ESRRG: variants seen among roughly 807,000 people sequenced by gnomAD.
The protein encoded by ESRRG is estrogen related receptor gamma, also known as estrogen-related receptor gamma.
In ESRRG, 13 loss-of-function variants were observed where a neutral mutation model predicts 44.0. The observed-to-expected ratio is 0.30, with a 90% CI of 0.19 to 0.47. The LOEUF is 0.47. Among genes scored for constraint, ESRRG ranks in the 20% least tolerant of loss-of-function variants. The pLI, the probability that ESRRG is intolerant of heterozygous loss-of-function variation, is 1.00. For synonymous variants in ESRRG, 215 were observed against 214.6 expected, an observed-to-expected ratio of 1.00 and a Z score of -0.02; for missense variants, 395 against 580.6, an observed-to-expected ratio of 0.68 and a Z score of 3.29.
chr1:216,622,698 T>C (rs1411994065), intron 3 of ESRRG, among the ~76,000 whole-genome samples: 2 of 152,130 alleles, frequency 1.3e-5, no homozygotes, highest in Non-Finnish European at 2.9e-5. Flanking sequence ...ATCAGTGTTC[T>C]GCTTCTTGTA....
chr1:216,580,486 GA>G (rs1376504580), intron 3 of ESRRG, among the ~76,000 whole-genome samples: 1 of 152,128 alleles, frequency 6.6e-6, no homozygotes, highest in Non-Finnish European at 1.5e-5. Context: ...GATATGCTGT[GA>G]AAACCTCAGT....
chr1:217,079,779 C>A (rs2091603057), intron 1 of ESRRG, among the ~76,000 whole-genome samples: 1 of 152,220 alleles, frequency 6.6e-6, no homozygotes, highest in East Asian at 1.9e-4. Flanking sequence ...AGCCTCCTCT[C>A]AGAGCCAGGC....
intron 5 of ESRRG, among the ~76,000 whole-genome samples, chr1:216,548,115 A>T (rs2055126781): frequency 6.6e-6 from 1 of 152,104 alleles, no homozygotes; most frequent in African/African-American, 2.4e-5. Flanking sequence ...GCCGGAAATC[A>T]AACTTTGAGT....
At chr1:216,550,982 C>T (rs1005231745) in intron 5 of ESRRG, among the ~76,000 whole-genome samples, 16 of 152,180 alleles carry the variant, frequency 1.1e-4, no homozygotes, top group Admixed American at 2.0e-4. Context: ...AGCCGCAGAA[C>T]GGTCAATGCT....
At position 216,922,106 on chromosome 1, in the gene ESRRG, T is replaced by C. The variant is rs550308364; in HGVS notation, c.-14+17476A>G. ...TGCTGGTTCTCTCTATGTCTCACCA[T>C]GGACCTTGGGCACACCAGTCTCTGC... On this transcript the variant is annotated intron_variant, in intron 2 of 7. Transcript: ENST00000359162. 2.4e-3 allele frequency among the ~76,000 whole-genome samples: 367 copies of C among 152,318 alleles called. 1 individual carries two copies. The highest frequency in any genetic ancestry group is 7.0e-3 in the African/African-American group (293 of 41,570).
At chr1:217,041,756 C>G (rs1457761314) in intron 1 of ESRRG, among the ~76,000 whole-genome samples, 1 of 152,212 alleles carries the variant, frequency 6.6e-6, no homozygotes, top group African/African-American at 2.4e-5. Context: ...AAGCCCACAC[C>G]TGCTTAGTTT....
chr1:217,076,558 C>T (rs2091316190), intron 1 of ESRRG, among the ~76,000 whole-genome samples: 1 of 152,136 alleles, frequency 6.6e-6, no homozygotes, highest in Non-Finnish European at 1.5e-5. Context: ...TAGATGAAAA[C>T]TCTGAAGTTA....
chr1:216,506,366 T>C lies in ESRRG; in HGVS notation c.*573A>G. On this transcript the variant is annotated 3_prime_UTR_variant, in exon 7 of 7. Coordinates refer to ENST00000408911, the MANE Select transcript of ESRRG (RefSeq NM_001438.4). ...ATCTCCATCCTTTGGCAGGGCTGGCTTCCATCTCTCTTCAGTTAGAGACCT... is the reference window on the plus strand; with the variant it reads ...ATCTCCATCCTTTGGCAGGGCTGGCCTCCATCTCTCTTCAGTTAGAGACCT... 2 of 293,056 alleles carry C rather than the reference T, an allele frequency of 6.8e-6. No individual in the cohort carries two copies. The highest frequency in any genetic ancestry group is 6.7e-6 in the Non-Finnish European group (1 of 149,326). The allele number at this position is 293,056 out of a possible 1,614,324, so 18.2% of individuals were successfully genotyped here. A position where few individuals can be genotyped will look rare whatever the true frequency, so the allele number is the denominator to read the frequency against.
chr1:216,928,446 C>A (rs1381596290), intron 2 of ESRRG, among the ~76,000 whole-genome samples: 2 of 152,198 alleles, frequency 1.3e-5, no homozygotes, highest in African/African-American at 2.4e-5. Context: ...AAACTCACAG[C>A]ATCCATCTTC....
chr1:216,941,843 T>C (rs1226072543), intron 1 of ESRRG, among the ~76,000 whole-genome samples: 1 of 152,210 alleles, frequency 6.6e-6, no homozygotes, highest in African/African-American at 2.4e-5. Flanking sequence ...GGAAATGCAC[T>C]ACTATTTATC....
At chr1:216,795,292 A>G (rs1401380158) in intron 2 of ESRRG, among the ~76,000 whole-genome samples, 2 of 151,546 alleles carry the variant, frequency 1.3e-5, no homozygotes, top group African/African-American at 4.8e-5. Flanking sequence ...TAGATGAAAA[A>G]TACATTAAAT....
intron 1 of ESRRG, among the ~76,000 whole-genome samples, chr1:216,997,744 A>G (rs2076546093): frequency 6.6e-6 from 1 of 152,208 alleles, no homozygotes; most frequent in Non-Finnish European, 1.5e-5. Flanking sequence ...AGAGGATTCC[A>G]AATACATTTT....
chr1:216,701,283 G>C (rs2081345879), intron 1 of ESRRG: 1 of 152,040 alleles, frequency 6.6e-6, no homozygotes, highest in Non-Finnish European at 1.5e-5. Context: ...ACACTATCTT[G>C]CTTCCCAAAA....
chr1:216,704,676 TATA>T (rs547592587), intron 1 of ESRRG, among the ~76,000 whole-genome samples: 19 of 152,310 alleles, frequency 1.2e-4, no homozygotes, highest in African/African-American at 4.3e-4. Context: ...ACAAATAAGA[TATA>T]ATAAGATATA....
intron 2 of ESRRG, among the ~76,000 whole-genome samples, chr1:216,751,335 A>G (rs533886824): frequency 2.6e-4 from 39 of 152,312 alleles, no homozygotes; most frequent in African/African-American, 8.4e-4. Flanking sequence ...ATGAAGGGAC[A>G]AAATCTTAGG....
Position 217,053,978 on chromosome 1 carries a change from C to T in ESRRG, c.-106+35529G>A, listed in dbSNP as rs189299167. 2.7e-5 allele frequency among the ~76,000 whole-genome samples: 4 copies of T among 150,700 alleles called. No individual in the cohort carries two copies. In the East Asian group the frequency reaches 7.9e-4, roughly 30 times the overall value. ...CTGTGAAGTTGTCAGCCGTGGCGTT[C>T]TTTACAAAGCTGGGTGGCTGCTTAC... On this transcript the variant is annotated intron_variant, in intron 1 of 7. Transcript: ENST00000359162.
intron 1 of ESRRG, among the ~76,000 whole-genome samples, chr1:216,691,982 T>G (rs1055272255): frequency 2.0e-5 from 3 of 152,220 alleles, no homozygotes; most frequent in African/African-American, 7.2e-5. Context: ...GCCAGTCATA[T>G]AAAAGTATAG....
chr1:216,823,120 A>C (rs1456517254), intron 2 of ESRRG, among the ~76,000 whole-genome samples: 1 of 151,178 alleles, frequency 6.6e-6, no homozygotes, highest in East Asian at 1.9e-4. Flanking sequence ...TTCGACTAAC[A>C]TCTCGGTGCC....
chr1:216,506,886 G>T lies in ESRRG; in HGVS notation c.*53C>A, dbSNP rs2041332145. 1 of 1,575,148 alleles carries T rather than the reference G, an allele frequency of 6.3e-7. No individual in the cohort carries two copies. The highest frequency in any genetic ancestry group is 8.6e-7 in the Non-Finnish European group (1 of 1,162,730). ...TAAGTTTCTTCGACATCACTCTTGG[G>T]TTTATTTTCCCTTTTTCAACATGAA... On this transcript the variant is annotated 3_prime_UTR_variant, in exon 7 of 7. Coordinates refer to ENST00000408911, the MANE Select transcript of ESRRG (RefSeq NM_001438.4).
Sources: gnomAD v4.1 joint callset for allele counts (sites outside exome capture counted in the v4.1 genomes callset) on GRCh38, gnomAD v4.1.1 for gene constraint, MANE v1.5 for transcripts, NCBI Gene and HGNC (gene_info 2026-07-23, HGNC 2026-07-21) for gene names.